Variants in CCDC171 observed in about 807,000 individuals in gnomAD.
CCDC171 encodes coiled-coil domain-containing protein 171.
In CCDC171, 177 loss-of-function variants were observed where a neutral mutation model predicts 168.2. The ratio of observed to expected loss-of-function variants is 1.05; its 90% CI spans 0.93 to 1.19. The LOEUF is 1.19. Ranked by LOEUF, CCDC171 falls within the 50% of genes most tolerant of loss-of-function variation. The probability of loss-of-function intolerance (pLI) is 0.00; values close to 1 mark genes in which losing one functional copy is unlikely to be tolerated. For synonymous variants in CCDC171, 687 were observed against 540.8 expected (o/e 1.27, Z -3.75); for missense variants, 1,991 against 1,539.0 (o/e 1.29, Z -4.91).
At chr9:16,091,531 A>G in the CCDC171 span, among the ~76,000 whole-genome samples, 1 of 152,194 alleles carries the variant, frequency 6.6e-6, no homozygotes, top group East Asian at 1.9e-4. Context: ...TCAACCTGCC[A>G]GTCCCTGGAG....
intron 6 of CCDC171, among the ~76,000 whole-genome samples, chr9:15,609,159 G>C (rs988737282): frequency 1.3e-5 from 2 of 151,600 alleles, no homozygotes; most frequent in Admixed American, 6.6e-5. Context: ...GAGTGCAGTG[G>C]TGTGATCTTG....
rs540824304 is a variant in CCDC171, at chr9:15,992,683, A to G, written n.369-27906A>G. ...TTGTTTGCAGATGACATGATTGTATATCTAGAAAACCCCATTGTCTCAGTC... is the reference window on the plus strand; with the variant it reads ...TTGTTTGCAGATGACATGATTGTATGTCTAGAAAACCCCATTGTCTCAGTC... On this transcript the variant is annotated intron_variant and non_coding_transcript_variant, in intron 3 of 9. Transcript: ENST00000486641. Among the ~76,000 whole-genome samples the G allele has an allele frequency of 2.0e-5, 3 of 152,338 alleles. No individual in the cohort carries two copies. In the East Asian group the frequency reaches 5.8e-4, roughly 29 times the overall value.
At chr9:15,952,184 T>G (rs1289881922) in intron 25 of CCDC171, among the ~76,000 whole-genome samples, 2 of 152,174 alleles carry the variant, frequency 1.3e-5, no homozygotes, top group South Asian at 2.1e-4. Flanking sequence ...AAAACTCATT[T>G]GACCATTATC....
chr9:16,097,185 G>T, the CCDC171 span, among the ~76,000 whole-genome samples: 4 of 152,176 alleles, frequency 2.6e-5, no homozygotes, highest in Non-Finnish European at 5.9e-5. Context: ...AACCCCAGGT[G>T]TCAAGGTAAA....
intron 18 of CCDC171, among the ~76,000 whole-genome samples, chr9:15,757,792 G>A (rs961628249): frequency 6.6e-6 from 1 of 152,170 alleles, no homozygotes; most frequent in Admixed American, 6.5e-5. Flanking sequence ...CAGCTGTGGG[G>A]CTGAAAGGGG....
chr9:16,008,738 C>A (rs990130965), intron 3 of CCDC171, among the ~76,000 whole-genome samples: 7 of 152,176 alleles, frequency 4.6e-5, no homozygotes, highest in Non-Finnish European at 8.8e-5. Flanking sequence ...TATACAGTAA[C>A]ATCTAACACC....
chr9:15,821,987 T>C (rs1279195719), intron 21 of CCDC171, among the ~76,000 whole-genome samples: 1 of 152,058 alleles, frequency 6.6e-6, no homozygotes, highest in Admixed American at 6.6e-5. Context: ...AAAACAGAGA[T>C]ATAGACCCCG....
intron 6 of CCDC171, among the ~76,000 whole-genome samples, chr9:15,597,122 T>G (rs1365307487): frequency 6.6e-6 from 1 of 152,056 alleles, no homozygotes; most frequent in Non-Finnish European, 1.5e-5. Flanking sequence ...CTTTTCCTAA[T>G]TGAATACCCT....
chr9:15,709,027 G>A (rs148328688), intron 11 of CCDC171, among the ~76,000 whole-genome samples: 2 of 152,112 alleles, frequency 1.3e-5, no homozygotes, highest in East Asian at 3.9e-4. Context: ...ACCACAAAAC[G>A]AGGGGAAAGG....
At chr9:15,747,099 T>C (rs1408128385) in intron 18 of CCDC171, among the ~76,000 whole-genome samples, 1 of 152,150 alleles carries the variant, frequency 6.6e-6, no homozygotes, top group Admixed American at 6.5e-5. Context: ...TGCCAAGGCT[T>C]GAGTAGGTGG....
At chr9:15,807,078 G>C (rs1472953360) in intron 21 of CCDC171, among the ~76,000 whole-genome samples, 1 of 152,152 alleles carries the variant, frequency 6.6e-6, no homozygotes, top group Non-Finnish European at 1.5e-5. Context: ...AGATCACATA[G>C]TTCTTCTTTG....
intron 23 of CCDC171, 144 bp downstream of exon 23, chr9:15,849,091 C>G: frequency 2.0e-6 from 1 of 508,912 alleles, no homozygotes; most frequent in Non-Finnish European, 3.5e-6. Flanking sequence ...CTGGAAATTT[C>G]CATTACATGG....
chr9:16,096,051 G>C, the CCDC171 span, among the ~76,000 whole-genome samples: 4 of 151,834 alleles, frequency 2.6e-5, no homozygotes, highest in East Asian at 7.8e-4. Flanking sequence ...AGTAAATAAT[G>C]GTCCCAGCAT....
chr9:15,744,013 T>A (rs2055079282), intron 16 of CCDC171, among the ~76,000 whole-genome samples: 1 of 152,204 alleles, frequency 6.6e-6, no homozygotes, highest in African/African-American at 2.4e-5. Context: ...ATATATGAAA[T>A]AGTCTTAAAT....
chr9:15,934,845 T>C (rs1441193229), intron 25 of CCDC171, among the ~76,000 whole-genome samples: 2 of 152,078 alleles, frequency 1.3e-5, no homozygotes, highest in Non-Finnish European at 2.9e-5. Context: ...GAAGCACTGA[T>C]ACGTGTTACA....
At chr9:15,700,640 A>AT (rs928891974) in intron 11 of CCDC171, among the ~76,000 whole-genome samples, 5 of 151,240 alleles carry the variant, frequency 3.3e-5, no homozygotes, top group Admixed American at 2.6e-4. Flanking sequence ...TCTTTTATTT[A>AT]TTTTTTTTAT....
chr9:15,913,109 A>T (rs745405875), intron 24 of CCDC171, among the ~76,000 whole-genome samples: 5 of 152,204 alleles, frequency 3.3e-5, no homozygotes, highest in Non-Finnish European at 7.3e-5. Flanking sequence ...TTTCAGAAGG[A>T]ATGGTCCAGC....
chr9:15,966,980 A>G (rs553693682), intron 25 of CCDC171, among the ~76,000 whole-genome samples: 1 of 152,208 alleles, frequency 6.6e-6, no homozygotes. Flanking sequence ...AGGTGAATGT[A>G]TGTTTTTATG....
At chr9:15,785,431 A>G (rs2057893415) in intron 21 of CCDC171, among the ~76,000 whole-genome samples, 2 of 152,282 alleles carry the variant, frequency 1.3e-5, no homozygotes, top group African/African-American at 4.8e-5. Context: ...ACTTATACAA[A>G]TAATATCTAT....
Sources: allele counts gnomAD v4.1 joint callset (sites outside exome capture counted in the v4.1 genomes callset), GRCh38; gene constraint gnomAD v4.1.1; transcripts MANE v1.5; gene names NCBI Gene and HGNC (gene_info 2026-07-23, HGNC 2026-07-21).